Variants in RC3H2 observed in about 807,000 individuals in gnomAD.
RC3H2 encodes ring finger and CCCH-type domains 2.
A neutral mutation model predicts 133.3 loss-of-function variants in RC3H2; 31 were observed. The ratio of observed to expected loss-of-function variants is 0.23; its 90% CI spans 0.17 to 0.31. The LOEUF (loss-of-function observed/expected upper bound fraction) is 0.31, where lower values mean the gene tolerates loss of function less well. Among genes scored for constraint, RC3H2 ranks in the 10% least tolerant of loss-of-function variants. The probability of loss-of-function intolerance (pLI) is 1.00; values close to 1 mark genes in which losing one functional copy is unlikely to be tolerated. For missense variants in RC3H2, 1,175 were observed against 1,437.2 expected, an observed-to-expected ratio of 0.82 and a Z score of 2.95; for synonymous variants, 517 against 502.2, an observed-to-expected ratio of 1.03 and a Z score of -0.40.
rs1442997106 is a variant in RC3H2 at position 122,890,305 on chromosome 9, A to G, written c.583+7T>C. ...AATAAAAAAGGTAAGATAGTAACCT[A>G]TCTTACCTGGCCCTAAAAACTGGCA... On this transcript the variant is annotated splice_region_variant and intron_variant, in intron 4 of 20. Transcript: ENST00000357244. 6 of 1,612,444 alleles carry G rather than the reference A, an allele frequency of 3.7e-6. No individual in the cohort carries two copies. Among genetic ancestry groups the G allele is most frequent in the African/African-American group, 2.7e-5 (2 of 74,860 alleles).
intron 4 of RC3H2, among the ~76,000 whole-genome samples, chr9:122,884,797 G>A (rs1273248233): frequency 6.6e-6 from 1 of 150,942 alleles, no homozygotes; most frequent in East Asian, 1.9e-4. Context: ...AGGTTGCAGT[G>A]AGCCGAGATT....
rs1402035911 is a variant in RC3H2, at chr9:122,855,867, A to C, written c.2466T>G (p.Ser822Arg). ...CTTCTTCAAATTTTGTACCACTCAC[A>C]CTCTCTGAGAACTGGTTAAAAAAAA... The part of the protein sequence containing the change: ...SVDFRADFSE[S>R]VSGTKFEEDH... Residue 822 changes from serine to arginine, a missense_variant, in exon 14 of 21, where the codon AGT (serine) becomes AGG (arginine). Coordinates refer to ENST00000357244, the MANE Select transcript of RC3H2 (RefSeq NM_001100588.3). The C allele has an allele frequency of 6.2e-7, 1 of 1,612,206 alleles. No individual in the cohort carries two copies. The highest frequency in any genetic ancestry group is 1.7e-5 in the Admixed American group (1 of 59,698).
chr9:122,882,178 TA>T (rs546745620), intron 5 of RC3H2, among the ~76,000 whole-genome samples: 1 of 152,002 alleles, frequency 6.6e-6, no homozygotes, highest in Admixed American at 6.6e-5. Context: ...ACTTAAGTAG[TA>T]AAAAAAACTA....
rs1829917301 is a variant in RC3H2 at position 122,848,625 on chromosome 9, T to C, written c.*1002A>G. The C allele has an allele frequency of 6.6e-6, 1 of 152,138 alleles. No individual in the cohort carries two copies. Among genetic ancestry groups the C allele is most frequent in the African/African-American group, 2.4e-5 (1 of 41,450 alleles). 9.4% of individuals were successfully genotyped at this position (152,138 alleles called of 1,614,324 possible). ...AATAAACAATATTTAACCAAGATAA[T>C]GCAATGAACAACCAAATTAATTAGT... On this transcript the variant is annotated 3_prime_UTR_variant, in exon 21 of 21. Transcript: ENST00000357244.
In RC3H2 at chr9:122,865,337, C is replaced by T. The variant is rs1830600271; in HGVS notation, c.1634+12G>A. On this transcript the variant is annotated intron_variant, in intron 10 of 20. Transcript: ENST00000357244. ...AAAGAATTTCCAGTAATCATTTTTACCTAATACCTACTTTTCAGTTACAGA... is the reference window on the plus strand; with the variant it reads ...AAAGAATTTCCAGTAATCATTTTTATCTAATACCTACTTTTCAGTTACAGA... 2 of 1,586,092 alleles carry T rather than the reference C, an allele frequency of 1.3e-6. No homozygotes were observed. Among genetic ancestry groups the T allele is most frequent in the East Asian group, 2.3e-5 (1 of 44,334 alleles).
chr9:122,855,156 C>A, intron 15 of RC3H2, 28 bp downstream of exon 15: 12 of 1,372,070 alleles, frequency 8.7e-6, no homozygotes, highest in Non-Finnish European at 1.2e-5. Context: ...TAGAACATAT[C>A]AGGCTAGGTA....
rs761475926 is a variant in RC3H2, at chr9:122,860,054, T to C, written c.1712A>G (p.Glu571Gly). 1 of 1,614,148 alleles carries C rather than the reference T, an allele frequency of 6.2e-7. No individual in the cohort carries two copies. Among genetic ancestry groups the C allele is most frequent in the South Asian group, 1.1e-5 (1 of 91,084 alleles). Residue 571 changes from glutamate to glycine, a missense_variant, in exon 11 of 21, where the codon GAG (glutamate) becomes GGG (glycine). This residue lies in a region of RC3H2 where 490 missense variants were observed against 492.8 expected (regional missense o/e 0.99). Coordinates refer to ENST00000357244, the MANE Select transcript of RC3H2 (RefSeq NM_001100588.3). ...GGATTTTTGAGGCACAGAATTCAGC[T>C]CTGTTCCAACATTAGAGGGCCCAGC... ...TSAGPSNVGT[E>G]LNSVPQKSSP...
intron 9 of RC3H2, chr9:122,875,402 T>C: frequency 1.3e-6 from 2 of 1,505,220 alleles, no homozygotes; most frequent in Non-Finnish European, 1.8e-6. Context: ...AATAAACAGA[T>C]CATGGGCCAT....
At chr9:122,875,246 G>A in intron 9 of RC3H2, 1 of 1,551,120 alleles carries the variant, frequency 6.4e-7, no homozygotes, top group Non-Finnish European at 8.7e-7. Flanking sequence ...TCTTTTCACT[G>A]CACACACACT....
Position 122,853,965 on chromosome 9 carries a change from A to C in RC3H2, c.3104T>G (p.Leu1035Arg). Residue 1035 changes from leucine (L) to arginine (R), a missense_variant, in exon 18 of 21, where the codon CTA (leucine) becomes CGA (arginine). Transcript: ENST00000357244. Reference protein sequence around the residue: ...TLNLLSKEIELRNGELQSDYT... With the variant: ...TLNLLSKEIERRNGELQSDYT... The stretch of plus-strand genomic sequence containing the variant: ...CAGTTTCTTTACCTCTCCATTTCTT[A>C]GTTCAATTTCCTTGCTTAAAAGGTT... 2 of 1,614,216 alleles carry C rather than the reference A, an allele frequency of 1.2e-6. No homozygotes were observed. The highest frequency in any genetic ancestry group is 1.7e-6 in the Non-Finnish European group (2 of 1,180,024).
intron 9 of RC3H2, among the ~76,000 whole-genome samples, chr9:122,872,338 C>T (rs1831135935): frequency 1.3e-5 from 2 of 152,126 alleles, no homozygotes; most frequent in South Asian, 4.1e-4. Context: ...ATAGTCCTAC[C>T]CGAGCTACCA....
At chr9:122,868,576 T>C (rs985474985) in intron 9 of RC3H2, among the ~76,000 whole-genome samples, 9 of 151,902 alleles carry the variant, frequency 5.9e-5, no homozygotes, top group East Asian at 1.9e-4. Context: ...CACTCCCTAA[T>C]CTCAAGTACC....
intron 3 of RC3H2, among the ~76,000 whole-genome samples, chr9:122,891,422 A>T (rs1832165052): frequency 6.6e-6 from 1 of 152,116 alleles, no homozygotes; most frequent in Non-Finnish European, 1.5e-5. Flanking sequence ...CCAATTGTAG[A>T]TCACTACAAT....
chr9:122,866,773 C>T (rs1171677033), intron 9 of RC3H2, among the ~76,000 whole-genome samples: 1 of 152,200 alleles, frequency 6.6e-6, no homozygotes, highest in Non-Finnish European at 1.5e-5. Flanking sequence ...ACCTCCCAGC[C>T]ACCTGCCTTG....
chr9:122,872,079 C>T (rs938468238), intron 9 of RC3H2, among the ~76,000 whole-genome samples: 10 of 152,142 alleles, frequency 6.6e-5, no homozygotes, highest in Non-Finnish European at 1.3e-4. Context: ...CACCCGGCCC[C>T]CAATTATTAT....
In RC3H2 at chr9:122,880,697, T is replaced by C; in HGVS notation, c.857A>G (p.His286Arg). Residue 286 changes from histidine (H) to arginine (R), a missense_variant, in exon 6 of 21, where the codon CAT becomes CGT. Physicochemically the swap from His to Arg is conservative, Grantham distance 29. Coordinates refer to ENST00000357244, the MANE Select transcript of RC3H2 (RefSeq NM_001100588.3). ...LRREHDAQIV[H>R]IAMEAGLRIS... ...ACGGAGTCCTGCTTCCATGGCAATATGAACAATTTGGGCATCATGTTCTCT... is the reference window on the plus strand; with the variant it reads ...ACGGAGTCCTGCTTCCATGGCAATACGAACAATTTGGGCATCATGTTCTCT... 1.2e-6 allele frequency: 2 copies of C among 1,614,140 alleles called. No homozygotes were observed. Among genetic ancestry groups the C allele is most frequent in the Non-Finnish European group, 1.7e-6 (2 of 1,179,968 alleles).
At chr9:122,852,452 A>AG (rs1399192618) in intron 18 of RC3H2, among the ~76,000 whole-genome samples, 2 of 135,486 alleles carry the variant, frequency 1.5e-5, no homozygotes, top group Non-Finnish European at 1.6e-5. Context: ...CCGGGAGGTG[A>AG]GGGGCGCCTC....
rs1410305079 is a variant in RC3H2 at position 122,905,292 on chromosome 9, C to T, written c.-250G>A. On this transcript the variant is annotated 5_prime_UTR_variant, in exon 1 of 21. Transcript: ENST00000357244. Reference sequence around the variant, plus strand: ...GCGGCGAAGGCCGCGACGGGGCCTCCTCCTCCTCCCTCCACCTCCGCCTCC... The same window carrying T: ...GCGGCGAAGGCCGCGACGGGGCCTCTTCCTCCTCCCTCCACCTCCGCCTCC... The T allele has an allele frequency of 3.0e-6, 3 of 985,616 alleles. No individual in the cohort carries two copies. Among genetic ancestry groups the T allele is most frequent in the East Asian group, 2.3e-4 (2 of 8,814 alleles). 61.1% of individuals were successfully genotyped at this position (985,616 alleles called of 1,614,324 possible).
chr9:122,852,924 T>C (rs1234952959), intron 18 of RC3H2, among the ~76,000 whole-genome samples: 2 of 151,820 alleles, frequency 1.3e-5, no homozygotes, highest in Non-Finnish European at 2.9e-5. Context: ...ACAATGGCGG[T>C]TTTGTGGAAT....
Sources: gnomAD v4.1 joint callset for allele counts (sites outside exome capture counted in the v4.1 genomes callset) on GRCh38, gnomAD v4.1.1 for gene constraint, gnomAD v4.1.1 regional missense constraint, MANE v1.5 for transcripts, NCBI Gene and HGNC (gene_info 2026-07-23, HGNC 2026-07-21) for gene names.